The following PCDHGA3 variants were observed in gnomAD, a reference collection of about 807,000 sequenced individuals.
PCDHGA3 encodes the protein protocadherin gamma subfamily A, 3, also known as protocadherin gamma-A3.
In PCDHGA3, 40 loss-of-function variants were observed where a neutral mutation model predicts 58.5. The observed-to-expected ratio is 0.68, with a 90% confidence interval of 0.53 to 0.89. The LOEUF (loss-of-function observed/expected upper bound fraction) is 0.89. Among genes scored for constraint, PCDHGA3 ranks in the 40% least tolerant of loss-of-function variants. The pLI, the probability that PCDHGA3 is intolerant of heterozygous loss-of-function variation, is 0.00. For missense variants in PCDHGA3, 1,223 were observed against 1,195.9 expected (o/e 1.02, Z -0.33); for synonymous variants, 530 against 525.7 (o/e 1.01, Z -0.11).
In PCDHGA3 at chr5:141,486,421, G is replaced by C; in HGVS notation, c.2425-8386G>C. 1 of 1,614,152 alleles carries C rather than the reference G, an allele frequency of 6.2e-7. No individual in the cohort carries two copies. Among genetic ancestry groups the C allele is most frequent in the African/African-American group, 1.3e-5 (1 of 75,028 alleles). On this transcript the variant is annotated intron_variant, in intron 1 of 3. Coordinates refer to ENST00000253812, the MANE Select transcript of PCDHGA3 (RefSeq NM_018916.4). This position sits in a 1 kb window ranked among gnomAD's most constrained non-coding sequence, Gnocchi z 5.0. Reference sequence around the variant, plus strand: ...TGACTGCTGGACCCTTGGATCGAGAGGCCAAATCTAGCTATGACATCATGG... The same window carrying C: ...TGACTGCTGGACCCTTGGATCGAGACGCCAAATCTAGCTATGACATCATGG...
intron 1 of PCDHGA3, chr5:141,357,666 A>G (rs1478472346): frequency 1.9e-6 from 3 of 1,600,280 alleles, no homozygotes; most frequent in South Asian, 1.1e-5. Context: ...AAATATAGAC[A>G]AAGAGTTGTG....
Position 141,432,846 on chromosome 5 carries a change from C to T in PCDHGA3, c.2425-61961C>T, listed in dbSNP as rs1312403897. ...GACCTCACTCTGTACCTGGTGGTAGCGGTGGCCGCGGTCTCCTGCGTCTTC... is the reference window on the plus strand; with the variant it reads ...GACCTCACTCTGTACCTGGTGGTAGTGGTGGCCGCGGTCTCCTGCGTCTTC... On this transcript the variant is annotated intron_variant, in intron 1 of 3. Transcript: ENST00000253812. The surrounding 1 kb of genome is among the most constrained non-coding windows in gnomAD (Gnocchi z 6.0). 2.5e-6 allele frequency: 4 copies of T among 1,614,192 alleles called. No homozygotes were observed. The African/African-American group carries it at 5.3e-5, about 22-fold the overall frequency.
chr5:141,364,207 C>T (rs1763218891), intron 1 of PCDHGA3: 1 of 1,184,316 alleles, frequency 8.4e-7, no homozygotes, highest in African/African-American at 1.5e-5. Context: ...ACCAGACAAG[C>T]TCCTACGAAA....
At chr5:141,409,352 T>G in intron 1 of PCDHGA3, 1 of 1,613,980 alleles carries the variant, frequency 6.2e-7, no homozygotes, top group Non-Finnish European at 8.5e-7. Flanking sequence ...AGAAGTCAGG[T>G]GTAATATAGA....
intron 1 of PCDHGA3, chr5:141,419,932 C>T: frequency 6.2e-7 from 1 of 1,614,090 alleles, no homozygotes; most frequent in Non-Finnish European, 8.5e-7. Flanking sequence ...TGCAGTTTTA[C>T]CTGGTGGTGG....
At chr5:141,502,001 C>T (rs2099812274) in intron 2 of PCDHGA3, among the ~76,000 whole-genome samples, 2 of 152,106 alleles carry the variant, frequency 1.3e-5, no homozygotes, top group Admixed American at 1.3e-4. Flanking sequence ...CCCTGACAAC[C>T]CGCATGCTCT....
intron 1 of PCDHGA3, chr5:141,418,639 C>T (rs2096276711): frequency 6.2e-7 from 1 of 1,614,014 alleles, no homozygotes; most frequent in Non-Finnish European, 8.5e-7. Flanking sequence ...CAGGCACCTC[C>T]ATCCTGAGAG....
chr5:141,351,708 T>A (rs758388359), intron 1 of PCDHGA3: 1 of 1,613,718 alleles, frequency 6.2e-7, no homozygotes, highest in Non-Finnish European at 8.5e-7. Flanking sequence ...AACGGCAGAG[T>A]CTCCTACTCT....
chr5:141,473,004 AAAAG>A (rs1215989598), intron 1 of PCDHGA3, among the ~76,000 whole-genome samples: 5 of 151,730 alleles, frequency 3.3e-5, no homozygotes, highest in Non-Finnish European at 7.4e-5. Context: ...AAAAGAAAGA[AAAAG>A]AAAAAGAAAG....
At chr5:141,376,773 G>A (rs1773367206) in intron 1 of PCDHGA3, 1 of 400,602 alleles carries the variant, frequency 2.5e-6, no homozygotes, top group East Asian at 5.1e-5. Context: ...TGCAAGCTCC[G>A]CTTCCCGGGT....
rs1055242827 is a variant in PCDHGA3 at position 141,371,130 on chromosome 5, A to C, written c.2424+24673A>C. 6.8e-6 allele frequency: 11 copies of C among 1,613,896 alleles called. No homozygotes were observed. The South Asian group carries it at 1.2e-4, about 18-fold the overall frequency. Reference sequence around the variant, plus strand: ...TAACCCCCCAGTATTTACTCAGGACATGTACAGGGTCAATGTTGCAGAGAA... The same window carrying C: ...TAACCCCCCAGTATTTACTCAGGACCTGTACAGGGTCAATGTTGCAGAGAA... On this transcript the variant is annotated intron_variant, in intron 1 of 3. Transcript: ENST00000253812.
chr5:141,436,393 A>G (rs560164691), intron 1 of PCDHGA3, among the ~76,000 whole-genome samples: 2 of 152,342 alleles, frequency 1.3e-5, no homozygotes, highest in South Asian at 4.1e-4. Context: ...GCTTTATTAA[A>G]TAGTTGTTGA....
In PCDHGA3 at chr5:141,490,390, G is replaced by C. The variant is rs2099699651; in HGVS notation, c.2425-4417G>C. The C allele has an allele frequency of 6.2e-7, 1 of 1,614,074 alleles. No individual in the cohort carries two copies. The highest frequency in any genetic ancestry group is 8.5e-7 in the Non-Finnish European group (1 of 1,180,040). On this transcript the variant is annotated intron_variant, in intron 1 of 3. Coordinates refer to ENST00000253812, the MANE Select transcript of PCDHGA3 (RefSeq NM_018916.4). This position sits in a 1 kb window ranked among gnomAD's most constrained non-coding sequence, Gnocchi z 5.4. ...AGACCGGGACTCAGGTAGAAATGGT[G>C]AAGTGAGCCTTGATATCTCTCCGGA... is the stretch of plus-strand genomic sequence containing the variant.
At chr5:141,415,344 G>A in intron 1 of PCDHGA3, 15 of 1,614,238 alleles carry the variant, frequency 9.3e-6, no homozygotes, top group Non-Finnish European at 1.3e-5. Flanking sequence ...TGCGGCGCTG[G>A]CACAAGTCAC....
rs370995300 is a variant in PCDHGA3, at chr5:141,399,359, C to T, written c.2424+52902C>T. ...GATGGAACCCTAGACCGAGAGCAAACCCCGGAGTACAATGTCACCATCACA... is the reference window on the plus strand; with the variant it reads ...GATGGAACCCTAGACCGAGAGCAAATCCCGGAGTACAATGTCACCATCACA... On this transcript the variant is annotated intron_variant, in intron 1 of 3. Coordinates refer to ENST00000253812, the MANE Select transcript of PCDHGA3 (RefSeq NM_018916.4). 2.6e-4 allele frequency: 427 copies of T among 1,613,884 alleles called. No individual in the cohort carries two copies. The highest frequency in any genetic ancestry group is 1.2e-4 in the Non-Finnish European group (140 of 1,179,916).
chr5:141,428,293 C>T, intron 1 of PCDHGA3: 1 of 716,436 alleles, frequency 1.4e-6, no homozygotes, highest in South Asian at 1.6e-5. Context: ...AGCAAAGCTG[C>T]AGATTTACCT....
chr5:141,359,990 C>A, intron 1 of PCDHGA3: 3 of 999,454 alleles, frequency 3.0e-6, no homozygotes, highest in South Asian at 4.7e-5. Flanking sequence ...TAGAGGGGAA[C>A]TTCCTGCACA....
chr5:141,489,467 C>G lies in PCDHGA3; in HGVS notation c.2425-5340C>G. 1 of 1,614,076 alleles carries G rather than the reference C, an allele frequency of 6.2e-7. No individual in the cohort carries two copies. The highest frequency in any genetic ancestry group is 8.5e-7 in the Non-Finnish European group (1 of 1,180,026). Reference sequence around the variant, plus strand: ...TCTGAGGAGAATGGGCGCTATTTTTCCCTGAGCTTGATGAGTGGTGCCCTG... The same window carrying G: ...TCTGAGGAGAATGGGCGCTATTTTTGCCTGAGCTTGATGAGTGGTGCCCTG... On this transcript the variant is annotated intron_variant, in intron 1 of 3. Transcript: ENST00000253812. The surrounding 1 kb of genome is among the most constrained non-coding windows in gnomAD (Gnocchi z 4.5).
chr5:141,504,200 G>C (rs1232187138), intron 2 of PCDHGA3, among the ~76,000 whole-genome samples: 1 of 152,154 alleles, frequency 6.6e-6, no homozygotes, highest in Non-Finnish European at 1.5e-5. Context: ...TTGTCACTGT[G>C]GGAAAATTCC....
Sources: gnomAD v4.1 joint callset for allele counts (sites outside exome capture counted in the v4.1 genomes callset) on GRCh38, gnomAD v4.1.1 for gene constraint, Gnocchi (gnomAD v3.1) non-coding constraint, MANE v1.5 for transcripts, NCBI Gene and HGNC (gene_info 2026-07-23, HGNC 2026-07-21) for gene names.